The following TEKT3 variants were observed in gnomAD, a reference collection of about 807,000 sequenced individuals.
TEKT3 encodes the protein tektin-3.
A neutral mutation model predicts 49.8 loss-of-function variants in TEKT3; 49 were observed. The observed-to-expected ratio is 0.98, with a 90% CI of 0.78 to 1.25. The LOEUF is 1.25. Ranked by LOEUF, TEKT3 falls within the 50% of genes most tolerant of loss-of-function variation. The pLI, the probability that TEKT3 is intolerant of heterozygous loss-of-function variation, is 0.00. For missense variants in TEKT3, 595 were observed against 629.5 expected (o/e 0.95, Z 0.59); for synonymous variants, 225 against 237.2 (o/e 0.95, Z 0.47).
At chr17:15,339,280 A>G (rs1032777592) in intron 2 of TEKT3, among the ~76,000 whole-genome samples, 8 of 152,222 alleles carry the variant, frequency 5.3e-5, no homozygotes, top group Non-Finnish European at 1.2e-4. Context: ...CCTAGCCTCC[A>G]GAACTGTGAG....
Position 15,308,644 on chromosome 17 carries a change from G to T in TEKT3, c.1256+20C>A. The T allele has an allele frequency of 6.3e-7, 1 of 1,595,764 alleles. No homozygotes were observed. Among genetic ancestry groups the T allele is most frequent in the African/African-American group, 1.3e-5 (1 of 74,722 alleles). On this transcript the variant is annotated intron_variant, in intron 8 of 8. Transcript: ENST00000395930. Reference sequence around the variant, plus strand: ...TGGTGGCCCTCCGAGCGAGCCCCGAGCCTTCCCCTCCCACCTTACCGTAGC... The same window carrying T: ...TGGTGGCCCTCCGAGCGAGCCCCGATCCTTCCCCTCCCACCTTACCGTAGC...
At position 15,317,375 on chromosome 17, in the gene TEKT3, C is replaced by T. The variant is rs753808544; in HGVS notation, c.734+1702G>A. Among the ~76,000 whole-genome samples the T allele has an allele frequency of 2.4e-4, 37 of 152,228 alleles. No individual in the cohort carries two copies. In the East Asian group the frequency reaches 4.8e-3, roughly 20 times the overall value. On this transcript the variant is annotated intron_variant, in intron 5 of 8. Transcript: ENST00000395930. The stretch of plus-strand genomic sequence containing the variant: ...AGATTCCAGACTACGAAATAAAATG[C>T]GAATTAGGAACTAGAACCAATGCTT...
At chr17:15,325,606 C>T (rs945578964) in intron 4 of TEKT3, among the ~76,000 whole-genome samples, 1 of 152,136 alleles carries the variant, frequency 6.6e-6, no homozygotes, top group African/African-American at 2.4e-5. Context: ...GTGATTCTAA[C>T]ATGTAGTCAG....
chr17:15,342,107 C>A (rs1912253882), upstream of TEKT3, among the ~76,000 whole-genome samples: 1 of 152,206 alleles, frequency 6.6e-6, no homozygotes, highest in Non-Finnish European at 1.5e-5. Context: ...GGCTTTCCCT[C>A]TCTCTCTTCA....
intron 4 of TEKT3, among the ~76,000 whole-genome samples, chr17:15,324,523 G>T (rs932964418): frequency 2.6e-5 from 4 of 152,076 alleles, no homozygotes; most frequent in African/African-American, 9.7e-5. Context: ...TTTTCCAAAG[G>T]ATTTGCCTCA....
intron 2 of TEKT3, among the ~76,000 whole-genome samples, chr17:15,339,499 A>G (rs2150756968): frequency 6.6e-6 from 1 of 152,376 alleles, no homozygotes; most frequent in East Asian, 1.9e-4. Context: ...ATAAATATTA[A>G]CATACTAAAT....
At chr17:15,305,314 G>A (rs142272010) in intron 8 of TEKT3, among the ~76,000 whole-genome samples, 2 of 152,168 alleles carry the variant, frequency 1.3e-5, no homozygotes, top group Non-Finnish European at 2.9e-5. Flanking sequence ...ACATATCCAC[G>A]CTGTGCAACA....
At chr17:15,312,529 C>T (rs1910818705) in intron 6 of TEKT3, 48 bp from the exon 7 acceptor site, 4 of 1,547,134 alleles carry the variant, frequency 2.6e-6, no homozygotes, top group Non-Finnish European at 3.6e-6. Context: ...GATGAATCAG[C>T]CTACAGGATC....
At chr17:15,338,934 G>GA (rs1040134566) in intron 2 of TEKT3, among the ~76,000 whole-genome samples, 1 of 152,010 alleles carries the variant, frequency 6.6e-6, no homozygotes, top group Non-Finnish European at 1.5e-5. Flanking sequence ...AATAGCTATG[G>GA]AAAAATCCCC....
At chr17:15,311,313 T>C (rs894575654) in intron 7 of TEKT3, 1 of 152,184 alleles carries the variant, frequency 6.6e-6, no homozygotes, top group African/African-American at 2.4e-5. Context: ...ACATGGCTCA[T>C]GGTGCAAGGT....
At chr17:15,316,520 C>T (rs571412478) in intron 5 of TEKT3, among the ~76,000 whole-genome samples, 13 of 152,068 alleles carry the variant, frequency 8.5e-5, no homozygotes, top group Admixed American at 6.6e-4. Flanking sequence ...TTACAATGTG[C>T]GGTGCTCCAG....
intron 4 of TEKT3, among the ~76,000 whole-genome samples, chr17:15,322,977 G>C (rs1219075630): frequency 6.6e-6 from 1 of 152,152 alleles, no homozygotes; most frequent in Non-Finnish European, 1.5e-5. Flanking sequence ...TGACCCATCA[G>C]CTACCCTTTC....
intron 5 of TEKT3, among the ~76,000 whole-genome samples, chr17:15,317,087 A>G (rs1911044386): frequency 6.6e-6 from 1 of 152,150 alleles, no homozygotes; most frequent in South Asian, 2.1e-4. Context: ...GACAGATCAC[A>G]GTGGCCGCCC....
Position 15,304,254 on chromosome 17 carries a change from CT to C in TEKT3, c.1257-103del. ...CGATGCAAAGCTCACATTTTCTTTA[CT>C]TTAGGATATATTTATCAGCAAATGA... On this transcript the variant is annotated intron_variant, in intron 8 of 8. Transcript: ENST00000395930. The surrounding 1 kb of genome is among the most constrained non-coding windows in gnomAD (Gnocchi z 4.7). 1 of 1,154,106 alleles carries C rather than the reference CT, an allele frequency of 8.7e-7. No homozygotes were observed. Among genetic ancestry groups the C allele is most frequent in the Non-Finnish European group, 1.2e-6 (1 of 803,148 alleles). 71.5% of individuals were successfully genotyped at this position (1,154,106 alleles called of 1,614,324 possible). A position where few individuals can be genotyped will look rare whatever the true frequency, so the allele number is the denominator to read the frequency against.
intron 2 of TEKT3, among the ~76,000 whole-genome samples, chr17:15,338,818 T>C (rs1313779495): frequency 6.6e-6 from 1 of 151,670 alleles, no homozygotes; most frequent in African/African-American, 2.4e-5. Flanking sequence ...GCCCAGCCAG[T>C]CAATTCTTAA....
At chr17:15,309,629 CT>C (rs1323072631) in intron 7 of TEKT3, among the ~76,000 whole-genome samples, 2 of 151,908 alleles carry the variant, frequency 1.3e-5, no homozygotes, top group East Asian at 1.9e-4. Flanking sequence ...CAAGAATCAT[CT>C]TTTTTTTGGA....
intron 7 of TEKT3, among the ~76,000 whole-genome samples, chr17:15,310,210 C>T (rs1472705807): frequency 6.6e-6 from 1 of 152,196 alleles, no homozygotes; most frequent in East Asian, 1.9e-4. Context: ...GTTCTTTCTG[C>T]ACCTTTCTGA....
At chr17:15,338,907 T>C (rs1224204700) in intron 2 of TEKT3, among the ~76,000 whole-genome samples, 1 of 152,034 alleles carries the variant, frequency 6.6e-6, no homozygotes, top group Non-Finnish European at 1.5e-5. Context: ...AGCAAATTCT[T>C]TGGAAAAATG....
At chr17:15,305,465 T>A (rs1446030000) in intron 8 of TEKT3, among the ~76,000 whole-genome samples, 1 of 152,246 alleles carries the variant, frequency 6.6e-6, no homozygotes, top group Non-Finnish European at 1.5e-5. Context: ...TTTCTTGTTA[T>A]TGTTTAGGCC....
Sources: allele counts gnomAD v4.1 joint callset (sites outside exome capture counted in the v4.1 genomes callset), GRCh38; gene constraint gnomAD v4.1.1; non-coding constraint Gnocchi (gnomAD v3.1); transcripts MANE v1.5; gene names NCBI Gene and HGNC (gene_info 2026-07-23, HGNC 2026-07-21).